GALNTL6: variants seen among roughly 807,000 people sequenced by gnomAD.
GALNTL6 encodes the protein polypeptide N-acetylgalactosaminyltransferase like 6, also known as polypeptide N-acetylgalactosaminyltransferase-like 6.
Under a neutral mutation model 73.7 loss-of-function variants are expected in GALNTL6, and 46 were observed. That is an observed-to-expected ratio of 0.62 (90% CI 0.49 to 0.80). The LOEUF (loss-of-function observed/expected upper bound fraction) is 0.80, where lower values mean the gene tolerates loss of function less well. GALNTL6 is among the 30% of genes least tolerant of loss of function. The probability of loss-of-function intolerance (pLI) is 0.00; values close to 1 mark genes in which losing one functional copy is unlikely to be tolerated. For missense variants in GALNTL6, 604 were observed against 755.0 expected (o/e 0.80, Z 2.34); for synonymous variants, 259 against 263.7 (o/e 0.98, Z 0.17).
intron 10 of GALNTL6, among the ~76,000 whole-genome samples, chr4:172,996,163 GACACAC>G (rs10658403): frequency 6.7e-6 from 1 of 148,200 alleles, no homozygotes; most frequent in African/African-American, 2.5e-5. Context: ...AAGAAAATGT[GACACAC>G]ACACACACAC....
At chr4:172,462,340 A>G (rs1247657836) in intron 5 of GALNTL6, among the ~76,000 whole-genome samples, 1 of 152,186 alleles carries the variant, frequency 6.6e-6, no homozygotes, top group African/African-American at 2.4e-5. Flanking sequence ...GCACCAAAAG[A>G]CTAGTATTAT....
At chr4:172,079,811 ACTGT>A (rs1381573366) in intron 2 of GALNTL6, among the ~76,000 whole-genome samples, 3 of 151,932 alleles carry the variant, frequency 2.0e-5, no homozygotes, top group African/African-American at 7.2e-5. Context: ...ATATTTACCT[ACTGT>A]CTATCATGAA....
chr4:172,223,422 A>G (rs1736753338), intron 2 of GALNTL6, among the ~76,000 whole-genome samples: 1 of 152,132 alleles, frequency 6.6e-6, no homozygotes. Flanking sequence ...AAGAGATATT[A>G]GAAGAATAAC....
intron 2 of GALNTL6, among the ~76,000 whole-genome samples, chr4:171,958,707 T>C (rs900881596): frequency 1.3e-5 from 2 of 152,100 alleles, no homozygotes; most frequent in Non-Finnish European, 2.9e-5. Flanking sequence ...TTAATCTTCC[T>C]CTTTGTGATT....
At chr4:172,206,813 TGTTTG>T (rs146685669) in intron 2 of GALNTL6, among the ~76,000 whole-genome samples, 7,706 of 37,590 alleles carry the variant, frequency 0.21, 2,410 homozygotes, top group East Asian at 0.39. Flanking sequence ...CTGTTTTTTT[TGTTTG>T]TTTTTTTTTT....
At chr4:172,823,297 G>A (rs530712314) in intron 7 of GALNTL6, among the ~76,000 whole-genome samples, 8 of 152,228 alleles carry the variant, frequency 5.3e-5, no homozygotes, top group Admixed American at 5.2e-4. Flanking sequence ...ATCACCTTCA[G>A]CTCTGCTCTC....
intron 4 of GALNTL6, among the ~76,000 whole-genome samples, chr4:172,325,692 A>G (rs1740918120): frequency 6.6e-6 from 1 of 151,944 alleles, no homozygotes; most frequent in Admixed American, 6.6e-5. Flanking sequence ...ATGGTAAAAT[A>G]CTCATTTTAA....
At chr4:172,177,124 A>G (rs1735026886) in intron 2 of GALNTL6, among the ~76,000 whole-genome samples, 1 of 152,212 alleles carries the variant, frequency 6.6e-6, no homozygotes, top group Admixed American at 6.5e-5. Flanking sequence ...GGAAGTAGTC[A>G]GCATATAGGA....
intron 2 of GALNTL6, among the ~76,000 whole-genome samples, chr4:171,843,856 G>T (rs1220076278): frequency 6.6e-6 from 1 of 152,114 alleles, no homozygotes; most frequent in East Asian, 1.9e-4. Flanking sequence ...AGTGTAATTA[G>T]TGCTGATTTT....
intron 5 of GALNTL6, among the ~76,000 whole-genome samples, chr4:172,487,480 G>A (rs1005046266): frequency 4.0e-5 from 6 of 151,574 alleles, no homozygotes; most frequent in African/African-American, 7.3e-5. Flanking sequence ...TCCACCACCC[G>A]GGTTCAAGCG....
intron 2 of GALNTL6, among the ~76,000 whole-genome samples, chr4:172,215,232 G>A (rs1257245489): frequency 6.6e-6 from 1 of 152,046 alleles, no homozygotes; most frequent in African/African-American, 2.4e-5. Flanking sequence ...ATTGTTTTGG[G>A]ATTGAATATT....
intron 2 of GALNTL6, among the ~76,000 whole-genome samples, chr4:172,221,034 T>G (rs1736657425): frequency 6.6e-6 from 1 of 151,922 alleles, no homozygotes; most frequent in Non-Finnish European, 1.5e-5. Context: ...TATACTCAGT[T>G]GTGATTCTGG....
intron 3 of GALNTL6, among the ~76,000 whole-genome samples, chr4:172,249,050 A>G (rs1737759229): frequency 6.6e-6 from 1 of 152,214 alleles, no homozygotes; most frequent in Non-Finnish European, 1.5e-5. Flanking sequence ...GAACTGGGTA[A>G]TAGGCAGAGG....
At chr4:172,104,066 C>A (rs1732604531) in intron 2 of GALNTL6, among the ~76,000 whole-genome samples, 1 of 151,928 alleles carries the variant, frequency 6.6e-6, no homozygotes, top group Admixed American at 6.5e-5. Context: ...GCCTCAGCCT[C>A]CCGAGTAGCT....
chr4:172,247,562 C>A (rs1737704773), intron 3 of GALNTL6, among the ~76,000 whole-genome samples: 1 of 152,128 alleles, frequency 6.6e-6, no homozygotes, highest in Non-Finnish European at 1.5e-5. Flanking sequence ...CCAATAGACA[C>A]AAATGGGCTT....
At chr4:172,983,778 A>G (rs533912261) in intron 10 of GALNTL6, among the ~76,000 whole-genome samples, 35 of 152,302 alleles carry the variant, frequency 2.3e-4, no homozygotes, top group African/African-American at 7.5e-4. Context: ...ATGGAAAGCA[A>G]GTAGCATAGG....
At chr4:172,102,779 T>G (rs974034166) in intron 2 of GALNTL6, among the ~76,000 whole-genome samples, 2 of 152,196 alleles carry the variant, frequency 1.3e-5, no homozygotes, top group Admixed American at 1.3e-4. Flanking sequence ...CACTTCTCGC[T>G]AGGGAATGAT....
intron 7 of GALNTL6, among the ~76,000 whole-genome samples, chr4:172,815,817 C>G (rs1741571822): frequency 6.6e-6 from 1 of 152,210 alleles, no homozygotes; most frequent in Non-Finnish European, 1.5e-5. Context: ...ATATTACTAT[C>G]TTTCTGCCTT....
intron 8 of GALNTL6, among the ~76,000 whole-genome samples, chr4:172,912,655 C>T (rs150702798): frequency 1.2e-3 from 181 of 152,180 alleles, no homozygotes; most frequent in African/African-American, 3.6e-3. Flanking sequence ...GAGGCCGCAG[C>T]GAGGGTGGGG....
Sources: gnomAD v4.1 joint callset for allele counts (sites outside exome capture counted in the v4.1 genomes callset) on GRCh38, gnomAD v4.1.1 for gene constraint, MANE v1.5 for transcripts, NCBI Gene and HGNC (gene_info 2026-07-23, HGNC 2026-07-21) for gene names.